BSCL2: variants seen among roughly 807,000 people sequenced by gnomAD.
BSCL2 encodes seipin.
Under a neutral mutation model 57.4 loss-of-function variants are expected in BSCL2, and 41 were observed. That is an observed-to-expected ratio of 0.71 (90% confidence interval 0.56 to 0.93). The LOEUF (loss-of-function observed/expected upper bound fraction) is 0.93. Among genes scored for constraint, BSCL2 ranks in the 40% least tolerant of loss-of-function variants. The pLI is 0.00. For missense variants in BSCL2, 539 were observed against 586.7 expected, an observed-to-expected ratio of 0.92 and a Z score of 0.84; for synonymous variants, 237 against 227.3, an observed-to-expected ratio of 1.04 and a Z score of -0.38.
chr11:62,708,169 G>A, upstream of BSCL2: 1 of 719,936 alleles, frequency 1.4e-6, no homozygotes, highest in Middle Eastern at 2.4e-4. Context: ...TGGAGGAGGA[G>A]GAGGAGGATA....
intron 7 of BSCL2, 56 bp downstream of exon 7, chr11:62,691,224 C>T: frequency 6.8e-6 from 11 of 1,614,102 alleles, no homozygotes; most frequent in South Asian, 2.2e-5. Context: ...CCCCAACATA[C>T]CCCTGACCAC....
At chr11:62,708,938 T>A, upstream of BSCL2, 1 of 740,852 alleles carries the variant, frequency 1.3e-6, no homozygotes, top group Non-Finnish European at 2.3e-6. Context: ...TGAGGTTATC[T>A]GAAGCACAAG....
intron 6 of BSCL2, 124 bp downstream of exon 6, chr11:62,692,252 C>T (rs1945331447): frequency 2.1e-6 from 2 of 970,848 alleles, no homozygotes; most frequent in Non-Finnish European, 3.2e-6. Context: ...TTGAGACCCT[C>T]TGGCCTATGT....
At chr11:62,706,174 G>C (rs2083529298) in intron 1 of BSCL2, 13 of 1,036,770 alleles carry the variant, frequency 1.3e-5, no homozygotes, top group Non-Finnish European at 1.5e-5. Flanking sequence ...CTCCAGCTCG[G>C]GGGTGGGCAA....
chr11:62,704,849 C>T (rs777059354), intron 2 of BSCL2, among the ~76,000 whole-genome samples: 15 of 152,174 alleles, frequency 9.9e-5, no homozygotes, highest in African/African-American at 1.4e-4. Flanking sequence ...TATGCGCCTA[C>T]TCATCTTATG....
Position 62,690,768 on chromosome 11 carries a change from T to A in BSCL2, c.1153+19A>T. The A allele has an allele frequency of 1.2e-6, 2 of 1,613,474 alleles. No individual in the cohort carries two copies. Among genetic ancestry groups the A allele is most frequent in the South Asian group, 1.1e-5 (1 of 91,068 alleles). On this transcript the variant is annotated intron_variant, in intron 9 of 10. Transcript: ENST00000360796. ...AGCCAAGGAGTCAGGAAGGAGAGAGTGTGGTGGCTGCGCCATACCTGTCCC... is the reference window on the plus strand; with the variant it reads ...AGCCAAGGAGTCAGGAAGGAGAGAGAGTGGTGGCTGCGCCATACCTGTCCC...
At chr11:62,702,144 G>A (rs922665553) in intron 3 of BSCL2, among the ~76,000 whole-genome samples, 9 of 150,844 alleles carry the variant, frequency 6.0e-5, no homozygotes, top group African/African-American at 1.2e-4. Flanking sequence ...TCGGCTCACC[G>A]AAACCTCCTC....
intron 4 of BSCL2, among the ~76,000 whole-genome samples, chr11:62,694,195 C>CTTTTTT (rs71056545): frequency 2.1e-5 from 1 of 47,134 alleles, no homozygotes; most frequent in African/African-American, 8.1e-5. Flanking sequence ...CCCAGACATT[C>CTTTTTT]TTTTTTTTTT....
chr11:62,690,517 T>C lies in BSCL2; in HGVS notation c.1239A>G (p.Ser413=). ...GCAAAGCTGCATCTTCCCAGGAGCCTGAACCTGGGCCAGGAAAGGGAAAAA... is the reference window on the plus strand; with the variant it reads ...GCAAAGCTGCATCTTCCCAGGAGCCCGAACCTGGGCCAGGAAAGGGAAAAA... ...EELEPEASDG[S]GSWEDAALLT... The change falls in exon 11 of 11, where the codon TCA becomes TCG. Residue 413 remains serine (S), a synonymous_variant. Coordinates refer to ENST00000360796, the MANE Select transcript of BSCL2 (RefSeq NM_001122955.4). The C allele has an allele frequency of 6.2e-6, 10 of 1,614,122 alleles. No homozygotes were observed. Among genetic ancestry groups the C allele is most frequent in the Non-Finnish European group, 8.5e-6 (10 of 1,180,004 alleles).
chr11:62,694,701 T>C lies in BSCL2; in HGVS notation c.497A>G (p.Tyr166Cys), dbSNP rs371113921. 3.0e-5 allele frequency: 49 copies of C among 1,613,990 alleles called. No homozygotes were observed. The East Asian group carries it at 1.0e-3, about 34-fold the overall frequency. The stretch of plus-strand genomic sequence containing the variant: ...TAAGGTAACACGATACGGCTGTCCA[T>C]ACATCAGCACCTGCCAAAGGTAGCC... ...TKGGRDRVLMYGQPYRVTLEL... is the reference protein window; with the variant it reads ...TKGGRDRVLMCGQPYRVTLEL... The change falls in exon 4 of 11, where the codon TAT becomes TGT. Residue 166 changes from tyrosine to cysteine, a missense_variant. Around this residue, in one of 3 missense-constraint regions of BSCL2, gnomAD observed 218 missense variants for 224.8 expected, o/e 0.97. Coordinates refer to ENST00000360796, the MANE Select transcript of BSCL2 (RefSeq NM_001122955.4).
chr11:62,694,851 ATC>A (rs1945410201), intron 3 of BSCL2, 140 bp from the exon 4 acceptor site: 1 of 1,021,400 alleles, frequency 9.8e-7, no homozygotes, highest in South Asian at 1.4e-5. Flanking sequence ...GGGCCTTTCA[ATC>A]TGTCATCCCA....
rs900971126 is a variant in BSCL2 at position 62,705,575 on chromosome 11, C to G, written c.130G>C (p.Gly44Arg). 2.2e-5 allele frequency: 35 copies of G among 1,581,532 alleles called. No homozygotes were observed. Among genetic ancestry groups the G allele is most frequent in the Non-Finnish European group, 3.0e-5 (35 of 1,160,456 alleles). Reference protein sequence around the residue: ...AASHGQGWRPGGRAARNARPE... With the variant: ...AASHGQGWRPRGRAARNARPE... ...CTTGCGTTCCTAGCTGCTCTGCCAC[C>G]TGGACGCCACCCCTGGCCATGGGAT... The change falls in exon 2 of 11, where the codon GGT becomes CGT. Residue 44 changes from glycine to arginine, a missense_variant. Physicochemically the swap from Gly to Arg is moderately radical, Grantham distance 125 (BLOSUM62 -2). Transcript: ENST00000360796.
intron 1 of BSCL2, 56 bp downstream of exon 1, chr11:62,707,053 G>T: frequency 6.9e-7 from 1 of 1,457,808 alleles, no homozygotes; most frequent in Non-Finnish European, 9.4e-7. Flanking sequence ...CCCCCTTCAC[G>T]CCAGCCCACC....
At chr11:62,691,654 G>T (rs1945313163) in intron 6 of BSCL2, among the ~76,000 whole-genome samples, 1 of 152,150 alleles carries the variant, frequency 6.6e-6, no homozygotes, top group African/African-American at 2.4e-5. Context: ...CCTCAATGTT[G>T]TCTGTCTCTC....
At chr11:62,698,093 G>C (rs1402156887) in intron 3 of BSCL2, among the ~76,000 whole-genome samples, 1 of 151,790 alleles carries the variant, frequency 6.6e-6, no homozygotes, top group Non-Finnish European at 1.5e-5. Context: ...ATTTTTAGTA[G>C]AGACAGGGTT....
chr11:62,700,962 A>G (rs1426710686), intron 3 of BSCL2, among the ~76,000 whole-genome samples: 3 of 152,016 alleles, frequency 2.0e-5, no homozygotes, highest in Non-Finnish European at 4.4e-5. Flanking sequence ...CAAAAAAAAA[A>G]AAAGAACGTA....
upstream of BSCL2, chr11:62,708,155 C>G: frequency 1.4e-6 from 1 of 690,002 alleles, no homozygotes. Flanking sequence ...ATGAGACAGT[C>G]CACTGGAGGA....
chr11:62,695,945 C>T (rs540341157), intron 3 of BSCL2, among the ~76,000 whole-genome samples: 2 of 151,686 alleles, frequency 1.3e-5, no homozygotes, highest in Admixed American at 6.6e-5. Flanking sequence ...GAGGCTGAGA[C>T]GAGTGTATCA....
chr11:62,690,561 A>G (rs201532363), intron 10 of BSCL2, 40 bp from the exon 11 acceptor site: 37 of 1,613,954 alleles, frequency 2.3e-5, no homozygotes, highest in Non-Finnish European at 3.1e-5. Flanking sequence ...CAAATGGGAT[A>G]TTAGATTAAC....
Sources: allele counts gnomAD v4.1 joint callset (sites outside exome capture counted in the v4.1 genomes callset), GRCh38; gene constraint gnomAD v4.1.1; regional missense constraint gnomAD v4.1.1; transcripts MANE v1.5; gene names NCBI Gene and HGNC (gene_info 2026-07-23, HGNC 2026-07-21).